Variants in MEIS3 observed in about 807,000 individuals in gnomAD.
MEIS3 encodes the protein homeobox protein Meis3.
In MEIS3, 38 loss-of-function variants were observed where a neutral mutation model predicts 51.4. The observed-to-expected ratio is 0.74, with a 90% confidence interval of 0.57 to 0.97. The LOEUF (loss-of-function observed/expected upper bound fraction) is 0.97, where lower values mean the gene tolerates loss of function less well. Ranked by LOEUF, MEIS3 falls within the 50% of genes least tolerant of loss-of-function variation. The pLI, the probability that MEIS3 is intolerant of heterozygous loss-of-function variation, is 0.00. For missense variants in MEIS3, 456 were observed against 502.6 expected (o/e 0.91, Z 0.89); for synonymous variants, 198 against 201.8 (o/e 0.98, Z 0.16).
chr19:47,406,991 G>A lies in MEIS3; in HGVS notation c.995-20C>T, dbSNP rs761998164. Reference sequence around the variant, plus strand: ...CCTGCCCTGCGAAGGGGGTTCAGAGGTGCAGGCTGAGCCCCAGGAAGCCCG... The same window carrying A: ...CCTGCCCTGCGAAGGGGGTTCAGAGATGCAGGCTGAGCCCCAGGAAGCCCG... On this transcript the variant is annotated intron_variant, in intron 10 of 12. Transcript: ENST00000558555. 7.6e-6 allele frequency: 12 copies of A among 1,573,824 alleles called. No individual in the cohort carries two copies. In the East Asian group the frequency reaches 2.1e-4, roughly 27 times the overall value.
chr19:47,404,677 C>A (rs1278259133), intron 12 of MEIS3, among the ~76,000 whole-genome samples: 2 of 152,118 alleles, frequency 1.3e-5, no homozygotes, highest in Non-Finnish European at 2.9e-5. Flanking sequence ...CTCCTTGAAT[C>A]CTCTAGTCTG....
chr19:47,420,522 A>AGAGAGACAGAGACAGACGCGGGTGGGAG (rs1971664308), upstream of MEIS3, among the ~76,000 whole-genome samples: 7 of 76,262 alleles, frequency 9.2e-5, no homozygotes, highest in African/African-American at 6.9e-4. Flanking sequence ...GGTGTGATTC[A>AGAGAGACAGAGACAGACGCGGGTGGGAG]GAGAGAGAGA....
chr19:47,413,198 G>A (rs985975409), intron 6 of MEIS3, among the ~76,000 whole-genome samples: 2 of 150,504 alleles, frequency 1.3e-5, no homozygotes, highest in African/African-American at 2.4e-5. Context: ...GGAGTTCGAG[G>A]CCAGCCTGGC....
At chr19:47,418,894 G>A in intron 1 of MEIS3, 176 bp downstream of exon 1, 1 of 404,854 alleles carries the variant, frequency 2.5e-6, no homozygotes, top group Non-Finnish European at 4.3e-6. Context: ...GACACTTGGG[G>A]GCAGAGAGGG....
At chr19:47,407,709 C>A in intron 8 of MEIS3, 1 of 400,532 alleles carries the variant, frequency 2.5e-6, no homozygotes, top group Non-Finnish European at 4.0e-6. Flanking sequence ...GCTCCTGTGG[C>A]GTGGGGGAGG....
At position 47,403,330 on chromosome 19, in the gene MEIS3, G is replaced by T. The variant is rs867963223; in HGVS notation, c.*241C>A. ...GGACCAAGGCCCAGGAGCCCAGCTCGGGTCCCAGGCAGAGGTGAAGGCAGA... is the reference window on the plus strand; with the variant it reads ...GGACCAAGGCCCAGGAGCCCAGCTCTGGTCCCAGGCAGAGGTGAAGGCAGA... On this transcript the variant is annotated 3_prime_UTR_variant, in exon 13 of 13. Transcript: ENST00000558555. The T allele has an allele frequency of 4.6e-6, 2 of 437,878 alleles. No individual in the cohort carries two copies. Among genetic ancestry groups the T allele is most frequent in the Non-Finnish European group, 9.1e-6 (2 of 219,366 alleles). The allele number at this position is 437,878 out of a possible 1,614,324, so 27.1% of individuals were successfully genotyped here. A position where few individuals can be genotyped will look rare whatever the true frequency, so the allele number is the denominator to read the frequency against.
chr19:47,413,884 C>A (rs901028797), intron 6 of MEIS3, among the ~76,000 whole-genome samples: 3 of 151,642 alleles, frequency 2.0e-5, no homozygotes, highest in African/African-American at 7.3e-5. Context: ...CCCGCCACCA[C>A]ACCCAGCTAA....
At chr19:47,410,452 C>CAAAA (rs562672336) in intron 6 of MEIS3, among the ~76,000 whole-genome samples, 1 of 61,276 alleles carries the variant, frequency 1.6e-5, no homozygotes, top group African/African-American at 5.4e-5. Flanking sequence ...GACTACGTCT[C>CAAAA]AAAAAAAAAA....
At chr19:47,420,589 G>C (rs1599835587), upstream of MEIS3, among the ~76,000 whole-genome samples, 2 of 104,704 alleles carry the variant, frequency 1.9e-5, no homozygotes, top group Non-Finnish European at 4.3e-5. Flanking sequence ...GACAGAGTGA[G>C]ACAGACAGGA....
At chr19:47,409,347 T>C in intron 7 of MEIS3, 89 bp downstream of exon 7, 1 of 1,573,986 alleles carries the variant, frequency 6.4e-7, no homozygotes, top group East Asian at 2.2e-5. Flanking sequence ...ACCCCAGCCA[T>C]CTCTGCCCCT....
In MEIS3 at chr19:47,406,876, G is replaced by GT; in HGVS notation, c.1078+11_1078+12insA. ...CGCAGGGGCGGGGCCTAGCTAAGGGGGCGAGGCTTACCCGGAGGCCGGACG... is the reference window on the plus strand; with the variant it reads ...CGCAGGGGCGGGGCCTAGCTAAGGGGTGCGAGGCTTACCCGGAGGCCGGACG... On this transcript the variant is annotated intron_variant, in intron 11 of 12. Coordinates refer to ENST00000558555, the MANE Select transcript of MEIS3 (RefSeq NM_001301059.2). 1 of 1,562,512 alleles carries GT rather than the reference G, an allele frequency of 6.4e-7. No individual in the cohort carries two copies. Among genetic ancestry groups the GT allele is most frequent in the Non-Finnish European group, 8.6e-7 (1 of 1,156,742 alleles).
At chr19:47,415,690 C>T (rs1041859597) in intron 4 of MEIS3, among the ~76,000 whole-genome samples, 1 of 151,418 alleles carries the variant, frequency 6.6e-6, no homozygotes, top group Non-Finnish European at 1.5e-5. Flanking sequence ...TCTCCTGCCT[C>T]AGCCTCCTGA....
Position 47,417,180 on chromosome 19 carries a change from A to G in MEIS3, c.183T>C (p.Tyr61=). The part of the protein sequence containing the change: ...DGLKREKDEI[Y]GHPLFPLLAL... ...GCCTGAGACCCGGCCCCACTCACCC[A>G]TAGATCTCATCCTTCTCCCTCTTCA... The change falls in exon 2 of 13, where the codon TAT becomes TAC. Residue 61 remains tyrosine (Y), a splice_region_variant and synonymous_variant. Transcript: ENST00000558555. The G allele has an allele frequency of 1.3e-6, 2 of 1,549,750 alleles. No individual in the cohort carries two copies. The highest frequency in any genetic ancestry group is 2.5e-5 in the South Asian group (2 of 79,514).
At chr19:47,415,774 A>G (rs1405796117) in intron 4 of MEIS3, 3 of 152,150 alleles carry the variant, frequency 2.0e-5, no homozygotes, top group African/African-American at 7.3e-5. Context: ...GGGTTTCATC[A>G]TTTGGTCAGG....
chr19:47,412,720 CCTGT>C (rs1402550478), intron 6 of MEIS3, among the ~76,000 whole-genome samples: 5 of 152,158 alleles, frequency 3.3e-5, no homozygotes, highest in Non-Finnish European at 7.3e-5. Flanking sequence ...TGCCACCACG[CCTGT>C]CTAATTTTTT....
intron 11 of MEIS3, 48 bp downstream of exon 11, chr19:47,406,840 G>C (rs916668201): frequency 1.4e-6 from 2 of 1,479,058 alleles, no homozygotes; most frequent in Admixed American, 2.1e-5. Flanking sequence ...TTTTACAGGT[G>C]GGTCATGGTG....
chr19:47,413,898 TTTTTTTTTTTG>T (rs767925117), intron 6 of MEIS3, among the ~76,000 whole-genome samples: 37 of 151,574 alleles, frequency 2.4e-4, no homozygotes, highest in Non-Finnish European at 4.6e-4. Context: ...CAGCTAATTT[TTTTTTTTTTTG>T]TATTTTTAGT....
At position 47,406,895 on chromosome 19, in the gene MEIS3, C is replaced by T; in HGVS notation, c.1071G>A (p.Arg357=). 1 of 1,571,440 alleles carries T rather than the reference C, an allele frequency of 6.4e-7. No homozygotes were observed. Among genetic ancestry groups the T allele is most frequent in the Middle Eastern group, 2.1e-4 (1 of 4,862 alleles). Residue 357 remains arginine, a synonymous_variant, in exon 11 of 13, where the codon CGG becomes CGA. Transcript: ENST00000558555. ...YTETQPHVAV[R]PPGSVGMSLN... is the part of the protein sequence containing the mutation. ...TAAGGGGGCGAGGCTTACCCGGAGG[C>T]CGGACGGCCACGTGTGGCTGCGTCT...
rs146902515 is a variant in MEIS3, at chr19:47,414,192, C to T, written c.597+525G>A. Among the ~76,000 whole-genome samples, 1,202 of 152,132 alleles carry T rather than the reference C, an allele frequency of 7.9e-3. 17 individuals are homozygous for T. Among genetic ancestry groups the T allele is most frequent in the African/African-American group, 0.027 (1,126 of 41,470 alleles). ...AGGGTCACGTGTGTGCAAGAGGGCACCGTGGTCAGTCCGGGCCCAAGTGTG... is the reference window on the plus strand; with the variant it reads ...AGGGTCACGTGTGTGCAAGAGGGCATCGTGGTCAGTCCGGGCCCAAGTGTG... On this transcript the variant is annotated intron_variant, in intron 6 of 12. Transcript: ENST00000558555.
Sources: allele counts gnomAD v4.1 joint callset (sites outside exome capture counted in the v4.1 genomes callset), GRCh38; gene constraint gnomAD v4.1.1; transcripts MANE v1.5; gene names NCBI Gene and HGNC (gene_info 2026-07-23, HGNC 2026-07-21).